The following GRIK3 variants were observed in gnomAD, a reference collection of about 807,000 sequenced individuals.
GRIK3 encodes glutamate ionotropic receptor kainate type subunit 3, also known as glutamate receptor ionotropic, kainate 3.
Under a neutral mutation model 102.5 loss-of-function variants are expected in GRIK3, and 29 were observed. That is an observed-to-expected ratio of 0.28 (90% CI 0.21 to 0.39). GRIK3 has a LOEUF of 0.39. Ranked by LOEUF, GRIK3 falls within the 10% of genes least tolerant of loss-of-function variation. The pLI is 1.00. For missense variants in GRIK3, 908 were observed against 1,252.4 expected (o/e 0.73, Z 4.15); for synonymous variants, 511 against 504.9 (o/e 1.01, Z -0.16).
At position 36,918,292 on chromosome 1, in the gene GRIK3, T is replaced by C. The variant is rs947197378; in HGVS notation, c.116-27196A>G. ...CCCTAGCAGGTAGATTCTGATATCA[T>C]TCTCCTTTTTCATATATCAGGACCC... is the stretch of plus-strand genomic sequence containing the variant. On this transcript the variant is annotated intron_variant, in intron 1 of 15. Coordinates refer to ENST00000373091, the MANE Select transcript of GRIK3 (RefSeq NM_000831.4). Among the ~76,000 whole-genome samples, 7 of 152,172 alleles carry C rather than the reference T, an allele frequency of 4.6e-5. No homozygotes were observed. In the East Asian group the frequency reaches 1.3e-3, roughly 29 times the overall value.
intron 1 of GRIK3, among the ~76,000 whole-genome samples, chr1:36,961,425 C>T (rs188228067): frequency 2.0e-5 from 3 of 152,118 alleles, no homozygotes; most frequent in Non-Finnish European, 4.4e-5. Context: ...AGAGAGAGGA[C>T]GAGGACAGTG....
intron 1 of GRIK3, among the ~76,000 whole-genome samples, chr1:37,022,854 T>C (rs1416369985): frequency 6.6e-6 from 1 of 152,256 alleles, no homozygotes; most frequent in Non-Finnish European, 1.5e-5. Flanking sequence ...AACCTGGCTA[T>C]GGCCCATACT....
In GRIK3 at chr1:36,841,824, T is replaced by A. The variant is rs374964956; in HGVS notation, c.1442A>T (p.Tyr481Phe). 1.7e-5 allele frequency: 28 copies of A among 1,614,050 alleles called. No individual in the cohort carries two copies. The African/African-American group carries it at 2.5e-4, about 15-fold the overall frequency. Residue 481 changes from tyrosine (Y) to phenylalanine (F), a missense_variant, in exon 10 of 16, where the codon TAT becomes TTT. Physicochemically the swap from Tyr to Phe is conservative, Grantham distance 22. Coordinates refer to ENST00000373091, the MANE Select transcript of GRIK3 (RefSeq NM_000831.4). ...KELAHILGFS[Y>F]EIRLVEDGKY... ...GCCGTCCTCCACCAGCCGGATCTCA[T>A]AGGAGAAACCAAGGATGTGGGCCAG... is the stretch of plus-strand genomic sequence containing the variant.
chr1:36,839,938 G>T (rs1388607415), intron 10 of GRIK3, among the ~76,000 whole-genome samples: 1 of 152,168 alleles, frequency 6.6e-6, no homozygotes, highest in African/African-American at 2.4e-5. Context: ...AGGCAAGGGG[G>T]CTTAACCGAA....
intron 10 of GRIK3, among the ~76,000 whole-genome samples, chr1:36,838,993 TC>T (rs1017841100): frequency 5.9e-5 from 9 of 152,246 alleles, no homozygotes; most frequent in Non-Finnish European, 1.3e-4. Context: ...TGGACGACAC[TC>T]CCTCCTTTTC....
intron 10 of GRIK3, among the ~76,000 whole-genome samples, chr1:36,839,133 G>T (rs1052554874): frequency 3.9e-5 from 6 of 152,140 alleles, no homozygotes; most frequent in African/African-American, 9.7e-5. Context: ...GCCCAGCCCT[G>T]CTCACCTCCG....
intron 10 of GRIK3, among the ~76,000 whole-genome samples, chr1:36,841,377 A>C (rs1265580764): frequency 1.3e-5 from 2 of 152,200 alleles, no homozygotes; most frequent in Admixed American, 6.5e-5. Flanking sequence ...CTTGCCCCAT[A>C]GCTGGGGCAT....
chr1:36,923,288 G>C (rs565791938), intron 1 of GRIK3, among the ~76,000 whole-genome samples: 2 of 152,234 alleles, frequency 1.3e-5, no homozygotes, highest in African/African-American at 4.8e-5. Context: ...GGAAAGGTTC[G>C]CTCTCTTCAG....
chr1:36,930,198 G>C (rs1003600356), intron 1 of GRIK3, among the ~76,000 whole-genome samples: 4 of 152,204 alleles, frequency 2.6e-5, no homozygotes, highest in Non-Finnish European at 5.9e-5. Context: ...CAGGGGGAAG[G>C]ATCAATGTGG....
chr1:36,806,029 G>T lies in GRIK3; in HGVS notation c.2314+75C>A. ...CCCATGGAATGAGCTGTGAGACGGA[G>T]TGTGAGGGGACGCGGGGGTGGAGCC... On this transcript the variant is annotated intron_variant, in intron 14 of 15. Coordinates refer to ENST00000373091, the MANE Select transcript of GRIK3 (RefSeq NM_000831.4). The surrounding 1 kb of genome is among the most constrained non-coding windows in gnomAD (Gnocchi z 4.0). 1 of 884,366 alleles carries T rather than the reference G, an allele frequency of 1.1e-6. No individual in the cohort carries two copies. The highest frequency in any genetic ancestry group is 1.8e-6 in the Non-Finnish European group (1 of 543,202). The allele number at this position is 884,366 out of a possible 1,614,324, so 54.8% of individuals were successfully genotyped here. A position where few individuals can be genotyped will look rare whatever the true frequency, so the allele number is the denominator to read the frequency against.
At chr1:36,885,629 T>C (rs1393138803) in intron 2 of GRIK3, among the ~76,000 whole-genome samples, 1 of 152,064 alleles carries the variant, frequency 6.6e-6, no homozygotes, top group Non-Finnish European at 1.5e-5. Flanking sequence ...TCTCTCCACC[T>C]CCCCTTTCCT....
intron 7 of GRIK3, among the ~76,000 whole-genome samples, chr1:36,857,631 G>A (rs1327336652): frequency 6.6e-6 from 1 of 152,192 alleles, no homozygotes; most frequent in Non-Finnish European, 1.5e-5. Context: ...AGGTAGAGAC[G>A]CGATCCAAAG....
intron 3 of GRIK3, among the ~76,000 whole-genome samples, chr1:36,877,987 C>T (rs1211619745): frequency 6.6e-6 from 1 of 152,214 alleles, no homozygotes; most frequent in Non-Finnish European, 1.5e-5. Flanking sequence ...ATAACAACAT[C>T]TTTGTTTCTT....
At position 37,034,419 on chromosome 1, in the gene GRIK3, C is replaced by G. The variant is rs2124100573; in HGVS notation, c.-311G>C. On this transcript the variant is annotated 5_prime_UTR_variant, in exon 1 of 16. Transcript: ENST00000373091. The stretch of plus-strand genomic sequence containing the variant: ...GTCGGCTCGGCTCCCGCGCGGGCTC[C>G]CACCTGCCCCGGCTGCCGGGCTCTG... 6.6e-6 allele frequency among the ~76,000 whole-genome samples: 1 copy of G among 151,302 alleles called. No individual in the cohort carries two copies. The highest frequency in any genetic ancestry group is 2.1e-4 in the South Asian group (1 of 4,830).
chr1:37,018,093 A>AT (rs1258479536), intron 1 of GRIK3, among the ~76,000 whole-genome samples: 3 of 152,160 alleles, frequency 2.0e-5, no homozygotes, highest in Non-Finnish European at 4.4e-5. Flanking sequence ...TCTCTATCCC[A>AT]TAAACAACCC....
Position 36,806,162 on chromosome 1 carries a change from G to A in GRIK3, c.2256C>T (p.Asn752=), listed in dbSNP as rs1352997350. The A allele has an allele frequency of 3.7e-6, 6 of 1,614,014 alleles. No homozygotes were observed. The highest frequency in any genetic ancestry group is 3.3e-5 in the Admixed American group (2 of 60,000). Residue 752 remains asparagine, a synonymous_variant, in exon 14 of 16, where the codon AAC becomes AAT. Transcript: ENST00000373091. The surrounding 1 kb of genome is among the most constrained non-coding windows in gnomAD (Gnocchi z 4.0). ...TIEYVTQRNC[N]LTQIGGLIDS... ...CAATGAGGCCCCCGATCTGGGTGAG[G>A]TTGCAGTTCCTCTGCGTGACGTACT...
At chr1:36,924,224 T>C (rs574872329) in intron 1 of GRIK3, among the ~76,000 whole-genome samples, 3 of 152,310 alleles carry the variant, frequency 2.0e-5, no homozygotes, top group African/African-American at 7.2e-5. Flanking sequence ...ACTGAAGTTT[T>C]GCATAAATTA....
chr1:36,817,326 G>T (rs376032792), intron 12 of GRIK3, 49 bp from the exon 13 acceptor site: 1 of 1,244,290 alleles, frequency 8.0e-7, no homozygotes, highest in Non-Finnish European at 1.2e-6. Context: ...CCAGACTAGC[G>T]CTGCTCAAGT....
intron 1 of GRIK3, among the ~76,000 whole-genome samples, chr1:36,977,572 C>T (rs927146589): frequency 7.9e-5 from 12 of 152,142 alleles, no homozygotes; most frequent in African/African-American, 2.7e-4. Flanking sequence ...AAAGCCATTC[C>T]CCTGCGATGC....
Sources: allele counts gnomAD v4.1 joint callset (sites outside exome capture counted in the v4.1 genomes callset), GRCh38; gene constraint gnomAD v4.1.1; non-coding constraint Gnocchi (gnomAD v3.1); transcripts MANE v1.5; gene names NCBI Gene and HGNC (gene_info 2026-07-23, HGNC 2026-07-21).